HS3ST3A1: variants seen among roughly 807,000 people sequenced by gnomAD.
HS3ST3A1 encodes heparan sulfate-glucosamine 3-sulfotransferase 3A1, also known as heparan sulfate glucosamine 3-O-sulfotransferase 3A1.
Under a neutral mutation model 25.7 loss-of-function variants are expected in HS3ST3A1, and 19 were observed. The observed-to-expected ratio is 0.74, with a 90% CI of 0.52 to 1.08. HS3ST3A1 has a LOEUF of 1.08. Among genes scored for constraint, HS3ST3A1 ranks in the 50% least tolerant of loss-of-function variants. The pLI is 0.00. For synonymous variants in HS3ST3A1, 226 were observed against 278.6 expected (o/e 0.81, Z 1.88); for missense variants, 459 against 594.3 (o/e 0.77, Z 2.37).
chr17:13,524,221 G>A (rs11651832), intron 1 of HS3ST3A1, among the ~76,000 whole-genome samples: 42,368 of 151,918 alleles, frequency 0.28, 6,279 homozygotes, highest in East Asian at 0.33. Flanking sequence ...TTTTCTGTGT[G>A]GATAAGTAGC....
Position 13,494,063 on chromosome 17 carries a change from T to A in HS3ST3A1, c.*2134A>T, listed in dbSNP as rs546561079. ...GCATTCAATTCTGTTCTTTTATTTC[T>A]TTCACATTAAAAAAATGAAGGTTGC... is the stretch of plus-strand genomic sequence containing the variant. On this transcript the variant is annotated 3_prime_UTR_variant, in exon 2 of 2. Coordinates refer to ENST00000284110, the MANE Select transcript of HS3ST3A1 (RefSeq NM_006042.3). Among the ~76,000 whole-genome samples, 47 of 152,362 alleles carry A rather than the reference T, an allele frequency of 3.1e-4. No homozygotes were observed. Among genetic ancestry groups the A allele is most frequent in the African/African-American group, 1.0e-3 (43 of 41,592 alleles).
intron 1 of HS3ST3A1, among the ~76,000 whole-genome samples, chr17:13,530,005 TACACACAC>T (rs3220827): frequency 2.7e-5 from 4 of 149,060 alleles, no homozygotes; most frequent in African/African-American, 5.0e-5. Context: ...TTTATGTAAC[TACACACAC>T]ACACACACAC....
rs998579735 is a variant in HS3ST3A1, at chr17:13,496,049, T to C, written c.*148A>G. The stretch of plus-strand genomic sequence containing the variant: ...GTTTGGTGTTGGTTATACATTAAGA[T>C]GGGGCGGGAGTGAGAACAATCTCTT... On this transcript the variant is annotated 3_prime_UTR_variant, in exon 2 of 2. Coordinates refer to ENST00000284110, the MANE Select transcript of HS3ST3A1 (RefSeq NM_006042.3). 2 of 977,140 alleles carry C rather than the reference T, an allele frequency of 2.0e-6. No homozygotes were observed. Among genetic ancestry groups the C allele is most frequent in the East Asian group, 2.8e-5 (1 of 35,706 alleles). The allele number at this position is 977,140 out of a possible 1,614,324, so 60.5% of individuals were successfully genotyped here.
At chr17:13,573,690 T>C (rs1443663943) in intron 1 of HS3ST3A1, among the ~76,000 whole-genome samples, 1 of 152,176 alleles carries the variant, frequency 6.6e-6, no homozygotes, top group African/African-American at 2.4e-5. Context: ...AGTGTGAGTG[T>C]CAACAACACG....
Position 13,515,471 on chromosome 17 carries a change from G to GTTTTT in HS3ST3A1, c.600-18658_600-18654dup, listed in dbSNP as rs33924561. Among the ~76,000 whole-genome samples, 831 of 107,672 alleles carry GTTTTT rather than the reference G, an allele frequency of 7.7e-3. 30 individuals carry two copies. Among genetic ancestry groups the GTTTTT allele is most frequent in the African/African-American group, 0.027 (733 of 27,604 alleles). 70.6% of individuals were successfully genotyped at this position (107,672 alleles called of 152,430 possible). ...CACTGTGTCCAACCAGTTTGTTTCAGTTTTTTTTTTTTTTTTTTTTTTGCT... is the reference window on the plus strand; with the variant it reads ...CACTGTGTCCAACCAGTTTGTTTCAGTTTTTTTTTTTTTTTTTTTTTTTTTTTGCT... On this transcript the variant is annotated intron_variant, in intron 1 of 1. Transcript: ENST00000284110.
intron 1 of HS3ST3A1, among the ~76,000 whole-genome samples, chr17:13,567,831 G>A (rs986209981): frequency 6.6e-6 from 1 of 152,160 alleles, no homozygotes; most frequent in Non-Finnish European, 1.5e-5. Flanking sequence ...TTCTTGAGAC[G>A]GAATCTCCTC....
chr17:13,515,881 C>CT (rs1906036311), intron 1 of HS3ST3A1, among the ~76,000 whole-genome samples: 1 of 152,026 alleles, frequency 6.6e-6, no homozygotes, highest in Non-Finnish European at 1.5e-5. Context: ...TTTAATTTAC[C>CT]TTTTCCTATT....
intron 1 of HS3ST3A1, among the ~76,000 whole-genome samples, chr17:13,553,954 T>C (rs942550148): frequency 2.0e-5 from 3 of 152,078 alleles, no homozygotes; most frequent in African/African-American, 4.8e-5. Context: ...TATAGAGCAA[T>C]AGACGATCTA....
intron 1 of HS3ST3A1, among the ~76,000 whole-genome samples, chr17:13,501,249 T>C (rs557158709): frequency 1.7e-4 from 26 of 151,128 alleles, no homozygotes; most frequent in Non-Finnish European, 3.1e-4. Flanking sequence ...GTAAATTTTA[T>C]GTTATGTGTT....
intron 1 of HS3ST3A1, among the ~76,000 whole-genome samples, chr17:13,524,916 G>A (rs978534089): frequency 6.6e-6 from 1 of 152,052 alleles, no homozygotes; most frequent in Non-Finnish European, 1.5e-5. Context: ...ACTACATAAA[G>A]GTTCATAAAT....
At chr17:13,516,251 G>A (rs1277856010) in intron 1 of HS3ST3A1, among the ~76,000 whole-genome samples, 12 of 152,090 alleles carry the variant, frequency 7.9e-5, no homozygotes, top group African/African-American at 2.4e-4. Flanking sequence ...CAGAGGTTGC[G>A]GTGAGCAGAG....
chr17:13,552,436 A>G (rs882445), intron 1 of HS3ST3A1, among the ~76,000 whole-genome samples: 3 of 152,292 alleles, frequency 2.0e-5, no homozygotes, highest in South Asian at 4.1e-4. Context: ...TAACCTAAGC[A>G]CCAGGCATGG....
intron 1 of HS3ST3A1, among the ~76,000 whole-genome samples, chr17:13,580,360 T>C (rs1277736723): frequency 6.6e-6 from 1 of 152,072 alleles, no homozygotes; most frequent in East Asian, 1.9e-4. Context: ...AGCCCTAGTG[T>C]TTTCTCATGG....
At chr17:13,519,543 A>AATGATG (rs747391490) in intron 1 of HS3ST3A1, among the ~76,000 whole-genome samples, 2 of 151,854 alleles carry the variant, frequency 1.3e-5, no homozygotes, top group Non-Finnish European at 2.9e-5. Context: ...TTAGAATAGC[A>AATGATG]ATGATGATGA....
intron 1 of HS3ST3A1, among the ~76,000 whole-genome samples, chr17:13,536,639 C>T (rs1207533695): frequency 6.6e-6 from 1 of 152,214 alleles, no homozygotes; most frequent in East Asian, 1.9e-4. Flanking sequence ...AGCTGCTGAT[C>T]ACTTCCAGTT....
chr17:13,509,030 C>T (rs1332610820), intron 1 of HS3ST3A1, among the ~76,000 whole-genome samples: 1 of 151,444 alleles, frequency 6.6e-6, no homozygotes, highest in East Asian at 1.9e-4. Context: ...GGCAGAGATC[C>T]ACAATTTGAA....
chr17:13,565,674 C>G lies in HS3ST3A1; in HGVS notation c.599+34857G>C, dbSNP rs188791614. 9.5e-4 allele frequency among the ~76,000 whole-genome samples: 145 copies of G among 152,368 alleles called. 1 individual carries two copies. Among genetic ancestry groups the G allele is most frequent in the Non-Finnish European group, 7.1e-4 (48 of 68,040 alleles). On this transcript the variant is annotated intron_variant, in intron 1 of 1. Coordinates refer to ENST00000284110, the MANE Select transcript of HS3ST3A1 (RefSeq NM_006042.3). ...ATTACTTTTATTAATTTTATAGTCA[C>G]AGCTCGTTTGGATGGATGAGTGTGT...
intron 1 of HS3ST3A1, among the ~76,000 whole-genome samples, chr17:13,596,090 G>A (rs1908567991): frequency 6.6e-6 from 1 of 152,140 alleles, no homozygotes; most frequent in African/African-American, 2.4e-5. Flanking sequence ...TCTTTTTAAA[G>A]AGCAGGCAGG....
At chr17:13,595,105 T>A (rs1020741201) in intron 1 of HS3ST3A1, among the ~76,000 whole-genome samples, 12 of 151,922 alleles carry the variant, frequency 7.9e-5, no homozygotes, top group African/African-American at 2.9e-4. Flanking sequence ...TCACATTTAT[T>A]GTCATCAGAC....
Sources: allele counts gnomAD v4.1 joint callset (sites outside exome capture counted in the v4.1 genomes callset), GRCh38; gene constraint gnomAD v4.1.1; transcripts MANE v1.5; gene names NCBI Gene and HGNC (gene_info 2026-07-23, HGNC 2026-07-21).